The following JADE1 variants were observed in gnomAD, a reference collection of about 807,000 sequenced individuals.
JADE1 encodes jade family PHD finger 1.
Under a neutral mutation model 81.8 loss-of-function variants are expected in JADE1, and 14 were observed. The ratio of observed to expected loss-of-function variants is 0.17; its 90% CI spans 0.11 to 0.27. The LOEUF is 0.27. Ranked by LOEUF, JADE1 falls within the 10% of genes least tolerant of loss-of-function variation. The pLI, the probability that JADE1 is intolerant of heterozygous loss-of-function variation, is 1.00. For synonymous variants in JADE1, 353 were observed against 391.9 expected (o/e 0.90, Z 1.17); for missense variants, 690 against 1,047.9 (o/e 0.66, Z 4.71).
At chr4:128,855,248 C>T (rs746392927) in intron 6 of JADE1, among the ~76,000 whole-genome samples, 6 of 152,314 alleles carry the variant, frequency 3.9e-5, no homozygotes, top group African/African-American at 7.2e-5. Context: ...TGGAGTGTTT[C>T]GAGGACTTAC....
At position 128,855,068 on chromosome 4, in the gene JADE1, T is replaced by G. The variant is rs184975388; in HGVS notation, c.697-562T>G. ...GGAGAGTGCTGGGATCTAGTTGGTATGGAGTTTGCTTAGCCTAGGGAGTGT... is the reference window on the plus strand; with the variant it reads ...GGAGAGTGCTGGGATCTAGTTGGTAGGGAGTTTGCTTAGCCTAGGGAGTGT... On this transcript the variant is annotated intron_variant, in intron 6 of 10. Coordinates refer to ENST00000226319, the MANE Select transcript of JADE1 (RefSeq NM_199320.4). Among the ~76,000 whole-genome samples the G allele has an allele frequency of 7.2e-3, 1,093 of 152,300 alleles. 9 individuals carry two copies. Among genetic ancestry groups the G allele is most frequent in the African/African-American group, 0.025 (1,050 of 41,552 alleles).
At chr4:128,811,597 G>T (rs563355386) in intron 1 of JADE1, among the ~76,000 whole-genome samples, 1 of 144,470 alleles carries the variant, frequency 6.9e-6, no homozygotes, top group South Asian at 2.2e-4. Flanking sequence ...GCTGCGGCCG[G>T]AGCGTCACCT....
At chr4:128,815,215 C>T (rs1243555198) in intron 1 of JADE1, among the ~76,000 whole-genome samples, 1 of 93,168 alleles carries the variant, frequency 1.1e-5, no homozygotes, top group African/African-American at 3.6e-5. Context: ...ATTCTCCTGC[C>T]TCAGCCTCCA....
intron 1 of JADE1, among the ~76,000 whole-genome samples, chr4:128,812,907 A>G (rs1726610463): frequency 6.6e-6 from 1 of 152,238 alleles, no homozygotes; most frequent in Admixed American, 6.5e-5. Context: ...GTTTTTAGGA[A>G]AGTAGGAGAG....
chr4:128,841,071 T>G (rs1239081434), intron 2 of JADE1, among the ~76,000 whole-genome samples: 2 of 152,256 alleles, frequency 1.3e-5, no homozygotes, highest in African/African-American at 4.8e-5. Context: ...TTAAGGGTGC[T>G]TTGATTCTCT....
chr4:128,859,112 G>A (rs1731056188), intron 8 of JADE1, among the ~76,000 whole-genome samples: 1 of 152,138 alleles, frequency 6.6e-6, no homozygotes, highest in African/African-American at 2.4e-5. Context: ...AGTTGGATTG[G>A]GGAAGGAGGA....
intron 1 of JADE1, among the ~76,000 whole-genome samples, chr4:128,817,055 T>C (rs4975265): frequency 0.77 from 116,805 of 151,822 alleles, 46,147 homozygotes; most frequent in South Asian, 0.93. Flanking sequence ...GACGGGGTTT[T>C]ACCATGTTGG....
chr4:128,847,907 T>C (rs756629859), intron 4 of JADE1, among the ~76,000 whole-genome samples: 32 of 152,212 alleles, frequency 2.1e-4, no homozygotes, highest in Admixed American at 9.8e-4. Flanking sequence ...AAGGACTTTG[T>C]TGAGGCCTGG....
chr4:128,810,062 G>C (rs1386550450), intron 1 of JADE1, 185 bp downstream of exon 1: 2 of 153,120 alleles, frequency 1.3e-5, no homozygotes, highest in Non-Finnish European at 2.9e-5. Context: ...TTGCTCGGGA[G>C]TTCTCGGGAG....
At chr4:128,813,987 G>C (rs1726751022) in intron 1 of JADE1, among the ~76,000 whole-genome samples, 1 of 151,824 alleles carries the variant, frequency 6.6e-6, no homozygotes, top group Non-Finnish European at 1.5e-5. Context: ...AGTAAAAGTT[G>C]GGTTGGCTGC....
In JADE1 at chr4:128,871,099, T is replaced by A. The variant is rs937300988; in HGVS notation, c.1622-256T>A. On this transcript the variant is annotated intron_variant, in intron 10 of 10. Transcript: ENST00000226319. The surrounding 1 kb of genome is among the most constrained non-coding windows in gnomAD (Gnocchi z 4.1). ...TCAGTTATTTTGTTTGGAGGAGGTC[T>A]AGTTTTATGAAAAATTATGTGAGCT... Among the ~76,000 whole-genome samples, 6 of 152,198 alleles carry A rather than the reference T, an allele frequency of 3.9e-5. No individual in the cohort carries two copies. The highest frequency in any genetic ancestry group is 2.1e-4 in the South Asian group (1 of 4,828).
At chr4:128,811,649 C>T (rs1199897525) in intron 1 of JADE1, among the ~76,000 whole-genome samples, 1 of 39,704 alleles carries the variant, frequency 2.5e-5, no homozygotes, top group African/African-American at 1.8e-4. Flanking sequence ...TGGGGGGTTG[C>T]GGGGGCGGGG....
At position 128,826,847 on chromosome 4, in the gene JADE1, C is replaced by T. The variant is rs1416505475; in HGVS notation, c.-26-4886C>T. Among the ~76,000 whole-genome samples, 6 of 152,176 alleles carry T rather than the reference C, an allele frequency of 3.9e-5. No individual in the cohort carries two copies. In the East Asian group the frequency reaches 1.2e-3, roughly 29 times the overall value. On this transcript the variant is annotated intron_variant, in intron 1 of 10. Coordinates refer to ENST00000226319, the MANE Select transcript of JADE1 (RefSeq NM_199320.4). The stretch of plus-strand genomic sequence containing the variant: ...CTGACAAAGACTCCTTTGACCAAAA[C>T]TTTAGTCACGCTCCTCCGGTCCTCC...
intron 1 of JADE1, among the ~76,000 whole-genome samples, chr4:128,827,657 A>G (rs1309774535): frequency 6.6e-6 from 1 of 152,172 alleles, no homozygotes; most frequent in African/African-American, 2.4e-5. Flanking sequence ...TAGTATTTTG[A>G]TGAGGTTGCC....
chr4:128,812,789 A>T (rs1726593642), intron 1 of JADE1, among the ~76,000 whole-genome samples: 1 of 152,250 alleles, frequency 6.6e-6, no homozygotes, highest in African/African-American at 2.4e-5. Flanking sequence ...GCCCTGCCTT[A>T]CTTCGGCAGG....
rs1262157497 is a variant in JADE1 at position 128,871,429 on chromosome 4, G to A, written c.1696G>A (p.Ala566Thr). ...TAACAGTCCTTCTGTTGGCCCTGAT[G>A]CTCCCAAGATAGAGGACTTGAAGTG... Reference protein sequence around the residue: ...LFNSPSVGPDAPKIEDLKWHS... With the variant: ...LFNSPSVGPDTPKIEDLKWHS... Residue 566 changes from alanine to threonine, a missense_variant, in exon 11 of 11, where the codon GCT becomes ACT. Coordinates refer to ENST00000226319, the MANE Select transcript of JADE1 (RefSeq NM_199320.4). This position sits in a 1 kb window ranked among gnomAD's most constrained non-coding sequence, Gnocchi z 4.1. 1.9e-6 allele frequency: 3 copies of A among 1,614,162 alleles called. No homozygotes were observed. Among genetic ancestry groups the A allele is most frequent in the Non-Finnish European group, 1.7e-6 (2 of 1,180,016 alleles).
At position 128,862,036 on chromosome 4, in the gene JADE1, G is replaced by A; in HGVS notation, c.1314G>A (p.Arg438=). The A allele has an allele frequency of 6.2e-7, 1 of 1,614,172 alleles. No individual in the cohort carries two copies. The highest frequency in any genetic ancestry group is 8.5e-7 in the Non-Finnish European group (1 of 1,180,032). Residue 438 remains arginine, a synonymous_variant, in exon 9 of 11, where the codon AGG becomes AGA. Transcript: ENST00000226319. ...TCGTCAACCTGCTGGATGTTGCCAGGGCTCTGCGGCTGCCTGAGGAAGTAG... is the reference window on the plus strand; with the variant it reads ...TCGTCAACCTGCTGGATGTTGCCAGAGCTCTGCGGCTGCCTGAGGAAGTAG... ...YTFVNLLDVA[R]ALRLPEEVVD...
chr4:128,817,384 G>T (rs1727140201), intron 1 of JADE1, among the ~76,000 whole-genome samples: 1 of 152,224 alleles, frequency 6.6e-6, no homozygotes, highest in South Asian at 2.1e-4. Flanking sequence ...CTGTGCAGGA[G>T]ATTTTATTAT....
chr4:128,859,427 A>G (rs929823993), intron 8 of JADE1, among the ~76,000 whole-genome samples: 9 of 151,916 alleles, frequency 5.9e-5, no homozygotes, highest in Admixed American at 2.6e-4. Context: ...GCATGTGTGC[A>G]TATGTATGCA....
Sources: allele counts gnomAD v4.1 joint callset (sites outside exome capture counted in the v4.1 genomes callset), GRCh38; gene constraint gnomAD v4.1.1; non-coding constraint Gnocchi (gnomAD v3.1); transcripts MANE v1.5; gene names NCBI Gene and HGNC (gene_info 2026-07-23, HGNC 2026-07-21).